TNNI3K: variants seen among roughly 807,000 people sequenced by gnomAD.
TNNI3K encodes the protein serine/threonine-protein kinase TNNI3K.
Under a neutral mutation model 114.5 loss-of-function variants are expected in TNNI3K, and 140 were observed. The observed-to-expected ratio is 1.22, with a 90% confidence interval of 1.07 to 1.41. The LOEUF (loss-of-function observed/expected upper bound fraction) is 1.41, where lower values mean the gene tolerates loss of function less well. Among genes scored for constraint, TNNI3K ranks in the 40% most tolerant of loss-of-function variants. The pLI is 0.00. For missense variants in TNNI3K, 1,125 were observed against 1,007.6 expected (o/e 1.12, Z -1.58); for synonymous variants, 347 against 347.5 (o/e 1.00, Z 0.02).
chr1:74,291,588 A>G (rs525658), intron 5 of TNNI3K, among the ~76,000 whole-genome samples: 150,205 of 151,570 alleles, frequency 0.99, 74,445 homozygotes, highest in Middle Eastern at 1. Context: ...AGTGGTGTAG[A>G]TTATATTCTA....
At chr1:74,424,728 A>AAG (rs1453984038) in intron 17 of TNNI3K, among the ~76,000 whole-genome samples, 1 of 151,602 alleles carries the variant, frequency 6.6e-6, no homozygotes, top group Admixed American at 6.6e-5. Context: ...CAAAAAAAAA[A>AAG]AAAAAAAGAG....
intron 21 of TNNI3K, among the ~76,000 whole-genome samples, chr1:74,481,643 G>A (rs1206300238): frequency 3.3e-5 from 5 of 152,196 alleles, no homozygotes; most frequent in Non-Finnish European, 7.3e-5. Flanking sequence ...AGTCCATCAT[G>A]TGATGACAGG....
chr1:74,278,514 A>T (rs531958784), intron 5 of TNNI3K, among the ~76,000 whole-genome samples: 2 of 152,216 alleles, frequency 1.3e-5, no homozygotes, highest in South Asian at 4.2e-4. Context: ...GCACATTAAG[A>T]TATTCTGGTG....
chr1:74,518,893 T>TATTA (rs1646389676), intron 23 of TNNI3K, among the ~76,000 whole-genome samples: 1 of 115,222 alleles, frequency 8.7e-6, no homozygotes, highest in Non-Finnish European at 1.6e-5. Context: ...TTTTTTTTTT[T>TATTA]TATTATACTC....
intron 13 of TNNI3K, 49 bp from the exon 14 acceptor site, chr1:74,368,971 CAT>C (rs1173895517): frequency 2.1e-6 from 3 of 1,435,708 alleles, no homozygotes; most frequent in Admixed American, 4.1e-5. Flanking sequence ...TATACACATC[CAT>C]GTGTGTGGTT....
At chr1:74,436,654 C>A in intron 19 of TNNI3K, 128 bp downstream of exon 19, 2 of 901,638 alleles carry the variant, frequency 2.2e-6, no homozygotes, top group Non-Finnish European at 3.2e-6. Context: ...GGGATAATGG[C>A]TTATGTCTTT....
chr1:74,413,516 A>G (rs905326452), intron 17 of TNNI3K, among the ~76,000 whole-genome samples: 1 of 152,192 alleles, frequency 6.6e-6, no homozygotes, highest in Non-Finnish European at 1.5e-5. Flanking sequence ...ACAGTCTGAT[A>G]TGTTAATGTT....
chr1:74,268,862 T>G (rs1254043718), intron 4 of TNNI3K, among the ~76,000 whole-genome samples: 1 of 151,852 alleles, frequency 6.6e-6, no homozygotes, highest in African/African-American at 2.4e-5. Context: ...CCTATCTCTC[T>G]ATCATTAATT....
At chr1:74,435,119 G>A (rs1441734587) in intron 17 of TNNI3K, among the ~76,000 whole-genome samples, 5 of 151,968 alleles carry the variant, frequency 3.3e-5, no homozygotes, top group Non-Finnish European at 5.9e-5. Context: ...AATGTAAAAT[G>A]GGCATCAAAG....
At chr1:74,493,178 A>C (rs1222663628) in intron 23 of TNNI3K, among the ~76,000 whole-genome samples, 1 of 152,160 alleles carries the variant, frequency 6.6e-6, no homozygotes, top group Non-Finnish European at 1.5e-5. Flanking sequence ...TAAAAACAAA[A>C]AGCAAATGGG....
At chr1:74,443,138 C>A (rs143654102) in intron 20 of TNNI3K, among the ~76,000 whole-genome samples, 2 of 151,854 alleles carry the variant, frequency 1.3e-5, no homozygotes, top group African/African-American at 2.4e-5. Flanking sequence ...CCAAAGCTAG[C>A]AGAAGAAAAG....
intron 23 of TNNI3K, among the ~76,000 whole-genome samples, chr1:74,536,954 G>T (rs1266153013): frequency 6.6e-6 from 1 of 152,126 alleles, no homozygotes; most frequent in Non-Finnish European, 1.5e-5. Flanking sequence ...GATGCACATG[G>T]GTGGAAACAG....
At chr1:74,512,951 C>T (rs1262859935) in intron 23 of TNNI3K, among the ~76,000 whole-genome samples, 2 of 152,194 alleles carry the variant, frequency 1.3e-5, no homozygotes, top group South Asian at 2.1e-4. Context: ...GTAAATGGCT[C>T]ACCGTGGAAA....
At chr1:74,464,603 G>A in intron 21 of TNNI3K, 1 of 1,541,012 alleles carries the variant, frequency 6.5e-7, no homozygotes, top group Non-Finnish European at 8.8e-7. Flanking sequence ...TGTTTGAAAA[G>A]AGAATGCAAA....
chr1:74,401,928 G>T (rs1199028312), intron 17 of TNNI3K: 1 of 449,462 alleles, frequency 2.2e-6, no homozygotes, highest in Admixed American at 2.4e-5. Flanking sequence ...TGCAATTTCA[G>T]GTGTATGCTT....
intron 2 of TNNI3K, among the ~76,000 whole-genome samples, chr1:74,243,573 AT>A: frequency 6.6e-6 from 1 of 152,290 alleles, no homozygotes; most frequent in African/African-American, 2.4e-5. Context: ...CAAATGTTAC[AT>A]TTTAATAAGT....
intron 5 of TNNI3K, among the ~76,000 whole-genome samples, chr1:74,305,175 T>C (rs1658544783): frequency 1.3e-5 from 2 of 152,252 alleles, no homozygotes; most frequent in African/African-American, 2.4e-5. Flanking sequence ...ACCATATTCA[T>C]GTATTGTGTT....
intron 23 of TNNI3K, among the ~76,000 whole-genome samples, chr1:74,530,538 A>G (rs1646568176): frequency 6.6e-6 from 1 of 152,160 alleles, no homozygotes; most frequent in African/African-American, 2.4e-5. Context: ...AAAAATCATC[A>G]AATAGAACTA....
chr1:74,389,143 CAGG>C (rs1663635444), intron 17 of TNNI3K, among the ~76,000 whole-genome samples: 1 of 152,090 alleles, frequency 6.6e-6, no homozygotes, highest in East Asian at 1.9e-4. Flanking sequence ...TGCCATAGGT[CAGG>C]AGGAAATTAA....
Sources: allele counts gnomAD v4.1 joint callset (sites outside exome capture counted in the v4.1 genomes callset), GRCh38; gene constraint gnomAD v4.1.1; transcripts MANE v1.5; gene names NCBI Gene and HGNC (gene_info 2026-07-23, HGNC 2026-07-21).